The following OSBPL11 variants were observed in gnomAD, a reference collection of about 807,000 sequenced individuals.
OSBPL11 encodes oxysterol binding protein like 11.
In OSBPL11, 33 loss-of-function variants were observed where a neutral mutation model predicts 84.4. The observed-to-expected ratio is 0.39, with a 90% CI of 0.30 to 0.52. The LOEUF (loss-of-function observed/expected upper bound fraction) is 0.52, where lower values mean the gene tolerates loss of function less well. Among genes scored for constraint, OSBPL11 ranks in the 20% least tolerant of loss-of-function variants. The probability of loss-of-function intolerance (pLI) is 0.72; values close to 1 mark genes in which losing one functional copy is unlikely to be tolerated. For synonymous variants in OSBPL11, 276 were observed against 310.2 expected (o/e 0.89, Z 1.16); for missense variants, 736 against 901.1 (o/e 0.82, Z 2.35).
intron 10 of OSBPL11, among the ~76,000 whole-genome samples, chr3:125,540,270 A>C (rs1935709320): frequency 6.9e-6 from 1 of 144,274 alleles, no homozygotes; most frequent in Admixed American, 7.1e-5. Context: ...CAGAGGTTGC[A>C]GTGAGCCAAG....
At chr3:125,532,065 T>G (rs757094740) in intron 11 of OSBPL11, 51 bp from the exon 12 acceptor site, 1 of 1,532,876 alleles carries the variant, frequency 6.5e-7, no homozygotes, top group South Asian at 1.2e-5. Context: ...AAGAGATAAT[T>G]AAATAGAATC....
chr3:125,540,218 A>G (rs142922541), intron 10 of OSBPL11, among the ~76,000 whole-genome samples: 9 of 151,452 alleles, frequency 5.9e-5, no homozygotes, highest in African/African-American at 1.7e-4. Context: ...AGTCTCAGCT[A>G]CTCAGGAGGT....
chr3:125,530,250 T>C lies in OSBPL11; in HGVS notation c.*265A>G. On this transcript the variant is annotated 3_prime_UTR_variant, in exon 13 of 13. Transcript: ENST00000296220. ...CTTAACTTTAGGAGCAAGAACTGGA[T>C]AAAAGATTCATCTACTGATTCAGGT... 2.4e-6 allele frequency: 1 copy of C among 411,758 alleles called. No homozygotes were observed. The highest frequency in any genetic ancestry group is 4.4e-6 in the Non-Finnish European group (1 of 225,510). The allele number at this position is 411,758 out of a possible 1,614,324, so 25.5% of individuals were successfully genotyped here.
intron 1 of OSBPL11, among the ~76,000 whole-genome samples, chr3:125,592,725 T>G (rs891318792): frequency 2.0e-5 from 3 of 152,044 alleles, no homozygotes; most frequent in Non-Finnish European, 4.4e-5. Flanking sequence ...ATATTGGTAT[T>G]TAATGTTGAC....
chr3:125,589,453 G>A (rs4679412), intron 1 of OSBPL11, among the ~76,000 whole-genome samples: 4,932 of 151,976 alleles, frequency 0.032, 107 homozygotes, highest in East Asian at 0.06. Context: ...TCAAGACTTG[G>A]TATATTTTTA....
chr3:125,578,844 A>G (rs951310008), intron 4 of OSBPL11, 116 bp downstream of exon 4: 1 of 536,970 alleles, frequency 1.9e-6, no homozygotes, highest in African/African-American at 2.0e-5. Flanking sequence ...ATACGTATAT[A>G]CTTTAAAAGG....
At position 125,570,988 on chromosome 3, in the gene OSBPL11, G is replaced by A. The variant is rs937742313; in HGVS notation, c.667-3393C>T. Among the ~76,000 whole-genome samples the A allele has an allele frequency of 3.1e-4, 47 of 152,350 alleles. 1 individual carries two copies. Among genetic ancestry groups the A allele is most frequent in the Admixed American group, 3.1e-3 (47 of 15,306 alleles). ...TTGGAACAGTTTGGAGGTCTCAGAAGAAGACAGGAAAATGTGGGAAAGTTT... is the reference window on the plus strand; with the variant it reads ...TTGGAACAGTTTGGAGGTCTCAGAAAAAGACAGGAAAATGTGGGAAAGTTT... On this transcript the variant is annotated intron_variant, in intron 5 of 12. Coordinates refer to ENST00000296220, the MANE Select transcript of OSBPL11 (RefSeq NM_022776.5).
intron 6 of OSBPL11, among the ~76,000 whole-genome samples, chr3:125,566,454 G>A (rs1259343266): frequency 1.3e-5 from 2 of 152,106 alleles, no homozygotes; most frequent in South Asian, 2.1e-4. Flanking sequence ...TTTGTTGGCC[G>A]GAATTGTTGA....
intron 2 of OSBPL11, among the ~76,000 whole-genome samples, chr3:125,581,236 C>T (rs191858915): frequency 1.8e-4 from 27 of 152,014 alleles, no homozygotes; most frequent in African/African-American, 3.9e-4. Flanking sequence ...GGATTACAGG[C>T]GCCCACCACC....
intron 9 of OSBPL11, 52 bp downstream of exon 9, chr3:125,552,129 A>G (rs1377882321): frequency 3.0e-6 from 3 of 987,864 alleles, no homozygotes; most frequent in Admixed American, 3.6e-5. Flanking sequence ...ATACATATAT[A>G]TATGTGTGTG....
rs60571172 is a variant in OSBPL11 at position 125,543,124 on chromosome 3, AT to A, written c.1841+4281del. Among the ~76,000 whole-genome samples, 850 of 99,254 alleles carry A rather than the reference AT, an allele frequency of 8.6e-3. 4 individuals are homozygous for A. Among genetic ancestry groups the A allele is most frequent in the South Asian group, 0.034 (96 of 2,848 alleles). 65.1% of individuals were successfully genotyped at this position (99,254 alleles called of 152,430 possible). A position where few individuals can be genotyped will look rare whatever the true frequency, so the allele number is the denominator to read the frequency against. On this transcript the variant is annotated intron_variant, in intron 10 of 12. Transcript: ENST00000296220. ...ACCTTTCCCTCCTGGGGCTAGTAAG[AT>A]TTTTTTTTTTTTTTTTTTTTTTTTG...
intron 11 of OSBPL11, among the ~76,000 whole-genome samples, chr3:125,532,577 C>CAAAAAAAAAAAA (rs371653670): frequency 3.7e-5 from 2 of 53,980 alleles, no homozygotes; most frequent in Non-Finnish European, 8.2e-5. Context: ...AAATCTCAAG[C>CAAAAAAAAAAAA]AAAAAAAAAA....
intron 1 of OSBPL11, among the ~76,000 whole-genome samples, chr3:125,584,749 A>G (rs1936481884): frequency 6.6e-6 from 1 of 152,190 alleles, no homozygotes; most frequent in South Asian, 2.1e-4. Flanking sequence ...ACCTGAGAAA[A>G]ACAAAATTTT....
intron 7 of OSBPL11, among the ~76,000 whole-genome samples, chr3:125,562,694 A>C (rs1231516831): frequency 6.6e-6 from 1 of 152,220 alleles, no homozygotes; most frequent in Non-Finnish European, 1.5e-5. Context: ...TGGGAGGCTG[A>C]GGTGGGTAGA....
intron 1 of OSBPL11, among the ~76,000 whole-genome samples, chr3:125,590,312 G>T (rs1308008130): frequency 6.6e-6 from 1 of 152,186 alleles, no homozygotes; most frequent in Non-Finnish European, 1.5e-5. Flanking sequence ...TACTTCAGGA[G>T]GCCGAAGTGG....
intron 10 of OSBPL11, among the ~76,000 whole-genome samples, chr3:125,542,711 T>C (rs1031957964): frequency 1.3e-5 from 2 of 152,038 alleles, no homozygotes; most frequent in Non-Finnish European, 2.9e-5. Flanking sequence ...GGGGTTTCAC[T>C]GTGTTAGCCA....
chr3:125,559,470 C>T (rs1936042126), intron 8 of OSBPL11, among the ~76,000 whole-genome samples: 1 of 152,026 alleles, frequency 6.6e-6, no homozygotes, highest in African/African-American at 2.4e-5. Flanking sequence ...CTCACTGCAA[C>T]CTCCACCACC....
intron 5 of OSBPL11, among the ~76,000 whole-genome samples, chr3:125,575,243 T>A (rs549009645): frequency 2.0e-5 from 3 of 152,284 alleles, no homozygotes; most frequent in Non-Finnish European, 4.4e-5. Flanking sequence ...CGTGTTTTAT[T>A]AACTAGAATT....
chr3:125,594,741 C>G lies in OSBPL11; in HGVS notation c.60G>C (p.Glu20Asp). Residue 20 changes from glutamate (E) to aspartate (D), a missense_variant, in exon 1 of 13, where the codon GAG becomes GAC. Around this residue, in one of 3 missense-constraint regions of OSBPL11, gnomAD observed 114 missense variants for 104.9 expected, o/e 1.09. Transcript: ENST00000296220. ...MKVSESEGKL[E>D]GQATAVTPNK... ...TCGGGGTCACCGCTGTGGCCTGGCCCTCCAGCTTTCCTTCGCTCTCCGAGA... is the reference window on the plus strand; with the variant it reads ...TCGGGGTCACCGCTGTGGCCTGGCCGTCCAGCTTTCCTTCGCTCTCCGAGA... 6.2e-7 allele frequency: 1 copy of G among 1,614,220 alleles called. No homozygotes were observed.
Sources: allele counts gnomAD v4.1 joint callset (sites outside exome capture counted in the v4.1 genomes callset), GRCh38; gene constraint gnomAD v4.1.1; regional missense constraint gnomAD v4.1.1; transcripts MANE v1.5; gene names NCBI Gene and HGNC (gene_info 2026-07-23, HGNC 2026-07-21).